Variants in SLC7A3 observed in about 807,000 individuals in gnomAD.
SLC7A3 encodes the protein cationic amino acid transporter 3.
SLC7A3 carries 3 observed loss-of-function variants against 33.2 expected under a neutral mutation model. The observed-to-expected ratio is 0.09, with a 90% CI of 0.04 to 0.23. The LOEUF is 0.23. Among genes scored for constraint, SLC7A3 ranks in the 10% least tolerant of loss-of-function variants. SLC7A3 has a pLI of 1.00. For synonymous variants in SLC7A3, 193 were observed against 195.1 expected (o/e 0.99, Z 0.09); for missense variants, 360 against 488.8 (o/e 0.74, Z 2.48).
chrX:70,930,134 G>T (rs755251640), intron 1 of SLC7A3, 112 bp from the exon 2 acceptor site: 4 of 776,672 alleles, frequency 5.2e-6, no homozygotes, highest in Non-Finnish European at 5.5e-6. Flanking sequence ...AAATGAGGAC[G>T]GGGATATGGA....
chrX:70,929,508 C>G (rs183857514), intron 2 of SLC7A3, 120 bp downstream of exon 2: 2 of 913,162 alleles, frequency 2.2e-6, no homozygotes, highest in African/African-American at 4.1e-5. Flanking sequence ...CCCAGCAAAC[C>G]CGCACATTTA....
Position 70,928,532 on chromosome X carries a change from T to C in SLC7A3, c.631A>G (p.Lys211Glu). 1 of 1,206,122 alleles carries C rather than the reference T, an allele frequency of 8.3e-7. No homozygotes were observed. Among genetic ancestry groups the C allele is most frequent in the Non-Finnish European group, 1.1e-6 (1 of 892,842 alleles). Residue 211 changes from lysine to glutamate, a missense_variant, in exon 4 of 12, where the codon AAG becomes GAG. Lys to Glu is a moderately conservative substitution (Grantham distance 56). Coordinates refer to ENST00000374299, the MANE Select transcript of SLC7A3 (RefSeq NM_032803.6). ...AGCTTCCAGTTGTGCACGTCCCCCT[T>C]AACGAAGCCAGAGATCATGACGAAC... ...LGFVMISGFV[K>E]GDVHNWKLTE...
At chrX:70,925,967 G>A (rs756498269) in intron 11 of SLC7A3, 24 bp from the exon 12 acceptor site, 9 of 1,211,017 alleles carry the variant, frequency 7.4e-6, no homozygotes, top group Middle Eastern at 2.3e-4. Context: ...GTAGCTGTGA[G>A]GTGGGGGTGT....
rs185505099 is a variant in SLC7A3, at chrX:70,925,889, C to G, written c.1784G>C (p.Ser595Thr). Residue 595 changes from serine (S) to threonine (T), a missense_variant, in exon 12 of 12, where the codon AGT becomes ACT. Coordinates refer to ENST00000374299, the MANE Select transcript of SLC7A3 (RefSeq NM_032803.6). ...GIQHSLEEIK[S>T]NQPSRKSRAK... ...TCTAGACTTGCGTGAGGGTTGGTTA[C>G]TCTTAATCTCTTCCAGGCTGTGCTG... 83 of 1,209,596 alleles carry G rather than the reference C, an allele frequency of 6.9e-5. No individual in the cohort carries two copies. In the East Asian group the frequency reaches 2.1e-3, roughly 31 times the overall value.
In SLC7A3 at chrX:70,925,726, A is replaced by C. The variant is rs1402652407; in HGVS notation, c.*87T>G. 8 of 1,068,701 alleles carry C rather than the reference A, an allele frequency of 7.5e-6. No homozygotes were observed. The highest frequency in any genetic ancestry group is 1.0e-5 in the Non-Finnish European group (8 of 774,534). The allele number at this position is 1,068,701 out of a possible 1,213,427, so 88.1% of individuals were successfully genotyped here. On this transcript the variant is annotated 3_prime_UTR_variant, in exon 12 of 12. Transcript: ENST00000374299. ...AACTGTATTAGTATCCACCACCACC[A>C]TCACAGGGGAGGGCTAGCTGTCACT... is the stretch of plus-strand genomic sequence containing the variant.
chrX:70,927,238 A>G (rs965767645), intron 8 of SLC7A3, 44 bp downstream of exon 8: 1 of 1,152,145 alleles, frequency 8.7e-7, no homozygotes, highest in African/African-American at 1.8e-5. Flanking sequence ...TTCCTCATCC[A>G]AGAATAAAAA....
In SLC7A3 at chrX:70,925,881, G is replaced by A; in HGVS notation, c.1792C>T (p.Pro598Ser). The A allele has an allele frequency of 8.3e-7, 1 of 1,211,594 alleles. No homozygotes were observed. Among genetic ancestry groups the A allele is most frequent in the Non-Finnish European group, 1.1e-6 (1 of 895,347 alleles). The change falls in exon 12 of 12, where the codon CCC becomes TCC. Residue 598 changes from proline (P) to serine (S), a missense_variant. Coordinates refer to ENST00000374299, the MANE Select transcript of SLC7A3 (RefSeq NM_032803.6). Reference protein sequence around the residue: ...HSLEEIKSNQPSRKSRAKTVD... With the variant: ...HSLEEIKSNQSSRKSRAKTVD... ...GTTTTGGCTCTAGACTTGCGTGAGG[G>A]TTGGTTACTCTTAATCTCTTCCAGG...
chrX:70,927,605 G>A lies in SLC7A3; in HGVS notation c.1062C>T (p.Phe354=). The part of the protein sequence containing the change: ...ALSTSLLGSM[F]PMPRVIYAMA... Reference sequence around the variant, plus strand: ...TCGCGTAGATCACCCGAGGCATGGGGAACATGGAGCCCAGGAGGCTGGAGA... The same window carrying A: ...TCGCGTAGATCACCCGAGGCATGGGAAACATGGAGCCCAGGAGGCTGGAGA... The change falls in exon 7 of 12, where the codon TTC becomes TTT. Residue 354 remains phenylalanine (F), a synonymous_variant. Transcript: ENST00000374299. 2 of 1,210,198 alleles carry A rather than the reference G, an allele frequency of 1.7e-6. No homozygotes were observed. The highest frequency in any genetic ancestry group is 3.5e-5 in the South Asian group (2 of 56,457).
chrX:70,928,351 G>T, intron 4 of SLC7A3, 94 bp from the exon 5 acceptor site: 1 of 1,097,226 alleles, frequency 9.1e-7, no homozygotes, highest in Non-Finnish European at 1.2e-6. Context: ...GGTCTTCAAA[G>T]CCCAGCCTCC....
At position 70,926,681 on chromosome X, in the gene SLC7A3, G is replaced by A; in HGVS notation, c.1466C>T (p.Thr489Ile). Residue 489 changes from threonine to isoleucine, a missense_variant, in exon 10 of 12, where the codon ACT becomes ATT. Physicochemically the swap from Thr to Ile is moderately conservative, Grantham distance 89 (BLOSUM62 -1). Coordinates refer to ENST00000374299, the MANE Select transcript of SLC7A3 (RefSeq NM_032803.6). ...VCSSLLAVLLTALCLVLAQWS... is the reference protein window; with the variant it reads ...VCSSLLAVLLIALCLVLAQWS... The stretch of plus-strand genomic sequence containing the variant: ...CTGGGCCAGCACCAGGCAAAGAGCA[G>A]TCAGCAGGACAGCTTCAAAGGTCAA... The A allele has an allele frequency of 8.4e-7, 1 of 1,188,117 alleles. No individual in the cohort carries two copies. The highest frequency in any genetic ancestry group is 1.9e-5 in the South Asian group (1 of 53,723).
chrX:70,929,085 C>T, intron 2 of SLC7A3, 83 bp from the exon 3 acceptor site: 2 of 992,626 alleles, frequency 2.0e-6, no homozygotes, highest in Non-Finnish European at 2.8e-6. Flanking sequence ...CCTTTTTCAC[C>T]TATTCTTACT....
intron 1 of SLC7A3, 26 bp downstream of exon 1, chrX:70,930,951 C>T (rs955542062): frequency 1.8e-5 from 2 of 111,324 alleles, no homozygotes; most frequent in East Asian, 2.8e-4. Context: ...CCCCCTCCGA[C>T]ACACGTGTGG....
In SLC7A3 at chrX:70,927,310, G is replaced by A; in HGVS notation, c.1258C>T (p.Leu420=). Residue 420 remains leucine (L), a synonymous_variant, in exon 8 of 12, where the codon CTG becomes TTG. Coordinates refer to ENST00000374299, the MANE Select transcript of SLC7A3 (RefSeq NM_032803.6). ...MSIGTLLAYS[L]VSICVLILRY... Reference sequence around the variant, plus strand: ...AGGATGAGAACACAAATCGACACCAGGGAGTAAGCAAGCAGGGTCCCAATT... The same window carrying A: ...AGGATGAGAACACAAATCGACACCAAGGAGTAAGCAAGCAGGGTCCCAATT... The A allele has an allele frequency of 8.3e-7, 1 of 1,211,142 alleles. No homozygotes were observed.
At position 70,929,922 on chromosome X, in the gene SLC7A3, T is replaced by C. The variant is rs1379699653; in HGVS notation, c.76A>G (p.Thr26Ala). The C allele has an allele frequency of 8.3e-7, 1 of 1,209,899 alleles. No homozygotes were observed. The highest frequency in any genetic ancestry group is 1.1e-6 in the Non-Finnish European group (1 of 895,088). Residue 26 changes from threonine to alanine, a missense_variant, in exon 2 of 12, where the codon ACT becomes GCT. Physicochemically the swap from Thr to Ala is moderately conservative, Grantham distance 58 (BLOSUM62 0). Transcript: ENST00000374299. ...RRTLESGMAETRLARCLSTLD... is the reference protein window; with the variant it reads ...RRTLESGMAEARLARCLSTLD... The stretch of plus-strand genomic sequence containing the variant: ...GTGCTTAGGCATCTGGCAAGGCGAG[T>C]CTCAGCCATGCCTGACTCCAGTGTA...
chrX:70,926,112 T>C lies in SLC7A3; in HGVS notation c.1687A>G (p.Thr563Ala), dbSNP rs994721240. 2.5e-6 allele frequency: 3 copies of C among 1,209,107 alleles called. No individual in the cohort carries two copies. The highest frequency in any genetic ancestry group is 3.5e-5 in the African/African-American group (2 of 57,037). Residue 563 changes from threonine (T) to alanine (A), a missense_variant, in exon 11 of 12, where the codon ACA (threonine) becomes GCA (alanine). Thr to Ala is a moderately conservative substitution (Grantham distance 58). Transcript: ENST00000374299. Reference sequence around the variant, plus strand: ...CCAAATCGGGCCCAGGTACCAGCTGTCATCTGCATCATAAGGTAAATATTC... The same window carrying C: ...CCAAATCGGGCCCAGGTACCAGCTGCCATCTGCATCATAAGGTAAATATTC... ...FVNIYLMMQM[T>A]AGTWARFGVW...
chrX:70,926,285 C>T (rs773555181), intron 10 of SLC7A3, 107 bp from the exon 11 acceptor site: 2 of 743,165 alleles, frequency 2.7e-6, no homozygotes, highest in African/African-American at 2.1e-5. Flanking sequence ...TACTTGTCCT[C>T]TGCATTTCAG....
chrX:70,928,545 G>A lies in SLC7A3; in HGVS notation c.618C>T (p.Ile206=), dbSNP rs144602966. 5.5e-4 allele frequency: 658 copies of A among 1,204,499 alleles called. No homozygotes were observed. The highest frequency in any genetic ancestry group is 6.7e-4 in the Non-Finnish European group (595 of 892,636). The part of the protein sequence containing the change: ...VNLLVLGFVM[I]SGFVKGDVHN... ...GCACGTCCCCCTTAACGAAGCCAGA[G>A]ATCATGACGAACCCAAGAACCAAAA... Residue 206 remains isoleucine (I), a synonymous_variant, in exon 4 of 12, where the codon ATC becomes ATT. Transcript: ENST00000374299.
chrX:70,926,540 G>A lies in SLC7A3; in HGVS notation c.1607C>T (p.Pro536Leu), dbSNP rs1420248391. ...GAGTTCATTTACCTTAAAGTGAAGG[G>A]GAGTGGAACTCTGTGGCTGTCTCCA... ...VIWRQPQSST[P>L]LHFKVPALPL... Residue 536 changes from proline to leucine, a missense_variant, in exon 10 of 12, where the codon CCC (proline) becomes CTC (leucine). Coordinates refer to ENST00000374299, the MANE Select transcript of SLC7A3 (RefSeq NM_032803.6). 8.3e-7 allele frequency: 1 copy of A among 1,198,790 alleles called. No individual in the cohort carries two copies. Among genetic ancestry groups the A allele is most frequent in the Non-Finnish European group, 1.1e-6 (1 of 889,060 alleles).
intron 1 of SLC7A3, among the ~76,000 whole-genome samples, chrX:70,930,683 C>T (rs1054391534): frequency 1.8e-5 from 2 of 112,263 alleles, no homozygotes; most frequent in Non-Finnish European, 3.8e-5. Context: ...TTTGGAGATG[C>T]GCCCCCAGAG....
Sources: allele counts gnomAD v4.1 joint callset (sites outside exome capture counted in the v4.1 genomes callset), GRCh38; gene constraint gnomAD v4.1.1; transcripts MANE v1.5; gene names NCBI Gene and HGNC (gene_info 2026-07-23, HGNC 2026-07-21).